The following PEAK1 variants were observed in gnomAD, a reference collection of about 807,000 sequenced individuals.
The protein encoded by PEAK1 is inactive tyrosine-protein kinase PEAK1.
A neutral mutation model predicts 124.7 loss-of-function variants in PEAK1; 54 were observed. That is an observed-to-expected ratio of 0.43 (90% CI 0.35 to 0.54). The LOEUF is 0.54. Among genes scored for constraint, PEAK1 ranks in the 20% least tolerant of loss-of-function variants. The pLI is 0.01. For missense variants in PEAK1, 2,046 were observed against 2,134.5 expected (o/e 0.96, Z 0.82); for synonymous variants, 719 against 760.0 (o/e 0.95, Z 0.89).
chr15:77,211,776 A>AGGCACAG (rs2058918022), intron 6 of PEAK1, among the ~76,000 whole-genome samples: 3 of 141,072 alleles, frequency 2.1e-5, no homozygotes, highest in Non-Finnish European at 4.5e-5. Flanking sequence ...TGAACCCGGG[A>AGGCACAG]GGCACAGGTT....
intron 2 of PEAK1, among the ~76,000 whole-genome samples, chr15:77,287,108 T>G (rs1397575407): frequency 6.6e-6 from 1 of 152,034 alleles, no homozygotes; most frequent in African/African-American, 2.4e-5. Context: ...AATGAAGAAA[T>G]AGTGACCCAG....
At chr15:77,194,230 T>C (rs1394802910) in intron 6 of PEAK1, among the ~76,000 whole-genome samples, 1 of 152,204 alleles carries the variant, frequency 6.6e-6, no homozygotes, top group Non-Finnish European at 1.5e-5. Context: ...CTTTGACCCA[T>C]CTAGCTATAA....
chr15:77,111,574 C>G lies in PEAK1; in HGVS notation c.*2582G>C, dbSNP rs1295637327. 6.6e-6 allele frequency: 1 copy of G among 152,104 alleles called. No homozygotes were observed. Among genetic ancestry groups the G allele is most frequent in the Non-Finnish European group, 1.5e-5 (1 of 68,018 alleles). 9.4% of individuals were successfully genotyped at this position (152,104 alleles called of 1,614,324 possible). A position where few individuals can be genotyped will look rare whatever the true frequency, so the allele number is the denominator to read the frequency against. On this transcript the variant is annotated 3_prime_UTR_variant, in exon 10 of 10. Coordinates refer to ENST00000682557, the MANE Select transcript of PEAK1 (RefSeq NM_001385026.1). ...GTTTGCATTCATCTTTTGCCCTTAACAAATCTGAATATAAAAACAGTACTA... is the reference window on the plus strand; with the variant it reads ...GTTTGCATTCATCTTTTGCCCTTAAGAAATCTGAATATAAAAACAGTACTA...
Position 77,206,512 on chromosome 15 carries a change from T to C in PEAK1, c.-114-24472A>G, listed in dbSNP as rs548182458. Among the ~76,000 whole-genome samples the C allele has an allele frequency of 9.2e-3, 1,382 of 150,430 alleles. 19 individuals carry two copies. Among genetic ancestry groups the C allele is most frequent in the African/African-American group, 0.032 (1,311 of 40,680 alleles). On this transcript the variant is annotated intron_variant, in intron 6 of 9. Coordinates refer to ENST00000682557, the MANE Select transcript of PEAK1 (RefSeq NM_001385026.1). ...TGTTGTTTCCTGACTTTTTAATGAT[T>C]GCCATTCTAACTGGTGTGAGATGGT... is the stretch of plus-strand genomic sequence containing the variant.
At chr15:77,102,066 A>G (rs924471824) in exon 7 of PEAK1, 5 of 152,236 alleles carry the variant, frequency 3.3e-5, no homozygotes, top group Non-Finnish European at 7.3e-5. Context: ...GGTCATTTCT[A>G]GATGGTGACC....
chr15:77,384,757 T>C (rs1193660378), intron 1 of PEAK1, among the ~76,000 whole-genome samples: 2 of 152,216 alleles, frequency 1.3e-5, no homozygotes, highest in Non-Finnish European at 2.9e-5. Flanking sequence ...CTCCACCAGA[T>C]CCATTTAGGA....
chr15:77,195,566 T>A (rs2058061348), intron 6 of PEAK1, among the ~76,000 whole-genome samples: 1 of 152,200 alleles, frequency 6.6e-6, no homozygotes, highest in Non-Finnish European at 1.5e-5. Flanking sequence ...CATTTTCCCC[T>A]CTCTTGACTT....
chr15:77,285,001 C>G lies in PEAK1; in HGVS notation c.-466G>C, dbSNP rs550863708. On this transcript the variant is annotated 5_prime_UTR_variant, in exon 4 of 10. Coordinates refer to ENST00000682557, the MANE Select transcript of PEAK1 (RefSeq NM_001385026.1). ...GGGAGGCTGAGGCAGGAGAATTACT[C>G]GAACCCGGAAGGCAGAGGTTGCAGT... is the stretch of plus-strand genomic sequence containing the variant. 6.6e-6 allele frequency: 1 copy of G among 151,126 alleles called. No individual in the cohort carries two copies. Among genetic ancestry groups the G allele is most frequent in the Non-Finnish European group, 1.5e-5 (1 of 67,998 alleles). 9.4% of individuals were successfully genotyped at this position (151,126 alleles called of 1,614,324 possible).
chr15:77,409,247 A>G (rs1199588886), intron 1 of PEAK1, among the ~76,000 whole-genome samples: 2 of 152,260 alleles, frequency 1.3e-5, no homozygotes, highest in Non-Finnish European at 2.9e-5. Flanking sequence ...CTTTATTTTT[A>G]AATGGAATAT....
chr15:77,398,315 G>C (rs562551674), intron 1 of PEAK1, among the ~76,000 whole-genome samples: 76 of 152,000 alleles, frequency 5.0e-4, no homozygotes, highest in Non-Finnish European at 9.3e-4. Context: ...AAAAGAAAAA[G>C]CAAAGATACA....
chr15:77,387,713 AC>A (rs1336030432), intron 1 of PEAK1, among the ~76,000 whole-genome samples: 6 of 152,244 alleles, frequency 3.9e-5, no homozygotes, highest in East Asian at 1.9e-4. Flanking sequence ...TCCCAAAAAA[AC>A]AAGCAATAAT....
intron 9 of PEAK1, among the ~76,000 whole-genome samples, chr15:77,122,014 T>C (rs2051963332): frequency 6.6e-6 from 1 of 152,198 alleles, no homozygotes; most frequent in African/African-American, 2.4e-5. Flanking sequence ...TACAGGCTGA[T>C]CAGTGATTGA....
intron 6 of PEAK1, among the ~76,000 whole-genome samples, chr15:77,202,972 G>C (rs1308604387): frequency 2.0e-5 from 3 of 150,500 alleles, no homozygotes; most frequent in African/African-American, 7.4e-5. Flanking sequence ...AAGAGGCAGA[G>C]ATTGCAGTGA....
intron 6 of PEAK1, among the ~76,000 whole-genome samples, chr15:77,233,027 G>A (rs569315369): frequency 3.3e-5 from 5 of 152,242 alleles, no homozygotes; most frequent in South Asian, 2.1e-4. Context: ...GATTACAGGC[G>A]TGAGCCACCG....
intron 2 of PEAK1, among the ~76,000 whole-genome samples, chr15:77,311,821 C>T (rs116163711): frequency 0.011 from 1,694 of 152,040 alleles, 40 homozygotes; most frequent in African/African-American, 0.039. Flanking sequence ...TGGATAGCCA[C>T]GCAGGTTCAG....
chr15:77,348,781 T>C (rs982477760), intron 2 of PEAK1: 3 of 984,176 alleles, frequency 3.0e-6, no homozygotes, highest in Non-Finnish European at 3.6e-6. Context: ...AATATCTTTT[T>C]TTCTTTTTTG....
intron 7 of PEAK1, among the ~76,000 whole-genome samples, chr15:77,173,432 A>G (rs1477119604): frequency 6.6e-6 from 1 of 152,126 alleles, no homozygotes; most frequent in Non-Finnish European, 1.5e-5. Flanking sequence ...CAAATCTATC[A>G]CCTTACCTAT....
At chr15:77,295,293 A>T (rs2063427722) in intron 2 of PEAK1, among the ~76,000 whole-genome samples, 1 of 152,138 alleles carries the variant, frequency 6.6e-6, no homozygotes, top group Admixed American at 6.5e-5. Flanking sequence ...ATATTAAAAT[A>T]AGCATGGTAT....
chr15:77,351,679 G>A, intron 2 of PEAK1: 1 of 941,372 alleles, frequency 1.1e-6, no homozygotes, highest in Non-Finnish European at 1.3e-6. Flanking sequence ...TGTGCGTTTT[G>A]TCCAATTCTT....
Sources: gnomAD v4.1 joint callset for allele counts (sites outside exome capture counted in the v4.1 genomes callset) on GRCh38, gnomAD v4.1.1 for gene constraint, MANE v1.5 for transcripts, NCBI Gene and HGNC (gene_info 2026-07-23, HGNC 2026-07-21) for gene names.